Variants in IQUB observed in about 807,000 individuals in gnomAD.
IQUB encodes the protein IQ motif and ubiquitin-like domain-containing protein.
Under a neutral mutation model 86.4 loss-of-function variants are expected in IQUB, and 86 were observed. The ratio of observed to expected loss-of-function variants is 1.00; its 90% CI spans 0.84 to 1.19. The LOEUF is 1.19. Among genes scored for constraint, IQUB ranks in the 50% most tolerant of loss-of-function variants. The pLI is 0.00. For missense variants in IQUB, 946 were observed against 916.9 expected (o/e 1.03, Z -0.41); for synonymous variants, 289 against 304.5 (o/e 0.95, Z 0.53).
At chr7:123,456,270 A>C (rs1584539852) in intron 12 of IQUB, among the ~76,000 whole-genome samples, 3 of 152,110 alleles carry the variant, frequency 2.0e-5, no homozygotes, top group Admixed American at 2.0e-4. Context: ...TTAATTGAAG[A>C]AGCACTGGAA....
intron 7 of IQUB, among the ~76,000 whole-genome samples, chr7:123,493,720 AATGTGTGTGT>A (rs879755715): frequency 0.012 from 1,565 of 132,442 alleles, 12 homozygotes; most frequent in Middle Eastern, 0.02. Context: ...CCCTGAGAGA[AATGTGTGTGT>A]ATGTGTGTGT....
Position 123,457,585 on chromosome 7 carries a change from T to G in IQUB, c.2008-19A>C. Reference sequence around the variant, plus strand: ...CTTGTAGCTGCATGTCAAAGCAAGTTTTAAAAACAATGTAGTTTAAATTTG... The same window carrying G: ...CTTGTAGCTGCATGTCAAAGCAAGTGTTAAAAACAATGTAGTTTAAATTTG... On this transcript the variant is annotated intron_variant, in intron 11 of 12. Transcript: ENST00000324698. The G allele has an allele frequency of 6.4e-7, 1 of 1,573,154 alleles. No individual in the cohort carries two copies. The highest frequency in any genetic ancestry group is 1.2e-5 in the South Asian group (1 of 84,994).
Position 123,512,209 on chromosome 7 carries a change from C to T in IQUB, c.132G>A (p.Glu44=). 6.2e-7 allele frequency: 1 copy of T among 1,613,780 alleles called. No homozygotes were observed. The highest frequency in any genetic ancestry group is 8.5e-7 in the Non-Finnish European group (1 of 1,179,702). Residue 44 remains glutamate (E), a synonymous_variant, in exon 2 of 13, where the codon GAG becomes GAA. Coordinates refer to ENST00000324698, the MANE Select transcript of IQUB (RefSeq NM_178827.5). The stretch of plus-strand genomic sequence containing the variant: ...TGAATTGTTCTATTCCAGATTCATG[C>T]TCTTCAGTTTGATCTGACTCTTGAG... The part of the protein sequence containing the change: ...EEPQESDQTE[E]HESGIEQFSE...
At chr7:123,524,953 G>C (rs1032527832) in intron 1 of IQUB, among the ~76,000 whole-genome samples, 2 of 152,040 alleles carry the variant, frequency 1.3e-5, no homozygotes, top group African/African-American at 2.4e-5. Flanking sequence ...CATCTATTGA[G>C]ATAATCATGT....
intron 1 of IQUB, among the ~76,000 whole-genome samples, chr7:123,526,925 TGTAAA>T (rs1297495400): frequency 6.6e-6 from 1 of 152,204 alleles, no homozygotes; most frequent in African/African-American, 2.4e-5. Context: ...TTTGCTTGTC[TGTAAA>T]GTATTTTATT....
At chr7:123,472,058 T>G (rs959511633) in intron 8 of IQUB, among the ~76,000 whole-genome samples, 1 of 151,766 alleles carries the variant, frequency 6.6e-6, no homozygotes, top group African/African-American at 2.4e-5. Flanking sequence ...GCCAACACGG[T>G]GATAACTCAT....
intron 8 of IQUB, among the ~76,000 whole-genome samples, chr7:123,471,119 G>A (rs1016622043): frequency 6.6e-6 from 1 of 152,160 alleles, no homozygotes; most frequent in African/African-American, 2.4e-5. Context: ...CAGTAAATGA[G>A]AAGCTGCAGC....
chr7:123,453,557 A>C (rs1437824865), intron 12 of IQUB, among the ~76,000 whole-genome samples: 6 of 152,002 alleles, frequency 3.9e-5, no homozygotes, highest in Non-Finnish European at 7.4e-5. Flanking sequence ...TGTAATGAAG[A>C]AGATGAACTA....
chr7:123,496,958 C>G lies in IQUB; in HGVS notation c.1024-52G>C, dbSNP rs73720264. 1,761 of 1,173,860 alleles carry G rather than the reference C, an allele frequency of 1.5e-3. 26 individuals are homozygous for G. The African/African-American group carries it at 0.025, about 17-fold the overall frequency. The allele number at this position is 1,173,860 out of a possible 1,614,324, so 72.7% of individuals were successfully genotyped here. On this transcript the variant is annotated intron_variant, in intron 6 of 12. Coordinates refer to ENST00000324698, the MANE Select transcript of IQUB (RefSeq NM_178827.5). ...AAGTGCCTATCATCAACTTTTTGAT[C>G]AGACAATAAAGGCAATGATGATTAT...
At chr7:123,475,558 C>T (rs1794711464) in intron 8 of IQUB, among the ~76,000 whole-genome samples, 1 of 152,022 alleles carries the variant, frequency 6.6e-6, no homozygotes, top group Non-Finnish European at 1.5e-5. Context: ...CAATGCTAGA[C>T]ATGGGGACTG....
intron 7 of IQUB, among the ~76,000 whole-genome samples, chr7:123,488,311 A>G (rs914505744): frequency 1.3e-5 from 2 of 150,834 alleles, no homozygotes; most frequent in African/African-American, 4.9e-5. Flanking sequence ...ACTCCACTCC[A>G]GCCTGGGTGA....
chr7:123,475,723 A>T (rs2117051560), intron 8 of IQUB, among the ~76,000 whole-genome samples: 1 of 152,206 alleles, frequency 6.6e-6, no homozygotes, highest in East Asian at 1.9e-4. Context: ...GAAAGGTGAC[A>T]CCCATCTTCC....
At chr7:123,517,345 C>G (rs1796683634) in intron 1 of IQUB, among the ~76,000 whole-genome samples, 1 of 151,602 alleles carries the variant, frequency 6.6e-6, no homozygotes, top group African/African-American at 2.4e-5. Flanking sequence ...TCCTGGCTAA[C>G]ACGGTGAAAC....
chr7:123,495,918 G>T (rs1315375343), intron 7 of IQUB, among the ~76,000 whole-genome samples: 1 of 152,054 alleles, frequency 6.6e-6, no homozygotes, highest in Non-Finnish European at 1.5e-5. Context: ...TATTACTAAA[G>T]AAATAACTGA....
chr7:123,503,015 G>A lies in IQUB; in HGVS notation c.796C>T (p.His266Tyr), dbSNP rs754612744. ...GGTACAGTTTGTGTTCCAGCATTGT[G>A]ATACTCTACTCCTGTTACTTTATGT... ...FRHKVTGVEY[H>Y]NAGTQTVPKR... Residue 266 changes from histidine (H) to tyrosine (Y), a missense_variant, in exon 5 of 13, where the codon CAC becomes TAC. Physicochemically the swap from His to Tyr is moderately conservative, Grantham distance 83. Coordinates refer to ENST00000324698, the MANE Select transcript of IQUB (RefSeq NM_178827.5). The A allele has an allele frequency of 3.1e-6, 5 of 1,612,992 alleles. No homozygotes were observed. The highest frequency in any genetic ancestry group is 1.7e-4 in the Middle Eastern group (1 of 6,056).
intron 10 of IQUB, chr7:123,462,973 C>T (rs1004906260): frequency 3.1e-5 from 10 of 321,924 alleles, no homozygotes; most frequent in Non-Finnish European, 6.3e-5. Flanking sequence ...AGTGGTGTTC[C>T]TTCAAATTCT....
intron 8 of IQUB, among the ~76,000 whole-genome samples, chr7:123,470,995 A>C (rs1156525767): frequency 1.3e-5 from 2 of 152,178 alleles, no homozygotes; most frequent in Non-Finnish European, 2.9e-5. Context: ...AAACAACTAT[A>C]TTTGATATAT....
chr7:123,502,966 C>A lies in IQUB; in HGVS notation c.845G>T (p.Ser282Ile). 6.2e-7 allele frequency: 1 copy of A among 1,611,634 alleles called. No individual in the cohort carries two copies. Among genetic ancestry groups the A allele is most frequent in the Non-Finnish European group, 8.5e-7 (1 of 1,179,118 alleles). Residue 282 changes from serine to isoleucine, a missense_variant, in exon 5 of 13, where the codon AGT (serine) becomes ATT (isoleucine). Transcript: ENST00000324698. ...TVPKRIPERL[S>I]IFCRDTQTVF... Reference sequence around the variant, plus strand: ...TACCTGCGTATCCCTACAAAATATACTGAGTCTTTCGGGAATCCTTTTAGG... The same window carrying A: ...TACCTGCGTATCCCTACAAAATATAATGAGTCTTTCGGGAATCCTTTTAGG...
At chr7:123,459,355 C>T (rs1337236398) in intron 11 of IQUB, among the ~76,000 whole-genome samples, 1 of 152,010 alleles carries the variant, frequency 6.6e-6, no homozygotes, top group Non-Finnish European at 1.5e-5. Flanking sequence ...ATGAGATTAA[C>T]ATTTAAGTAA....
Sources: allele counts gnomAD v4.1 joint callset (sites outside exome capture counted in the v4.1 genomes callset), GRCh38; gene constraint gnomAD v4.1.1; transcripts MANE v1.5; gene names NCBI Gene and HGNC (gene_info 2026-07-23, HGNC 2026-07-21).